TTC7A: variants seen among roughly 807,000 people sequenced by gnomAD.
The protein encoded by TTC7A is tetratricopeptide repeat domain 7A, also known as tetratricopeptide repeat protein 7A.
A neutral mutation model predicts 103.7 loss-of-function variants in TTC7A; 110 were observed. That is an observed-to-expected ratio of 1.06 (90% CI 0.91 to 1.24). The LOEUF is 1.24. Ranked by LOEUF, TTC7A falls within the 50% of genes most tolerant of loss-of-function variation. The pLI, the probability that TTC7A is intolerant of heterozygous loss-of-function variation, is 0.00. For missense variants in TTC7A, 1,340 were observed against 1,116.3 expected, an observed-to-expected ratio of 1.20 and a Z score of -2.86; for synonymous variants, 521 against 467.9, an observed-to-expected ratio of 1.11 and a Z score of -1.47.
chr2:47,046,906 A>T (rs570134473), intron 16 of TTC7A: 1 of 247,618 alleles, frequency 4.0e-6, no homozygotes, highest in East Asian at 9.6e-5. Flanking sequence ...TTCTTTCCTC[A>T]TTCCATTTGG....
chr2:46,991,193 G>A (rs1338601720), intron 5 of TTC7A, among the ~76,000 whole-genome samples: 3 of 151,800 alleles, frequency 2.0e-5, no homozygotes, highest in Non-Finnish European at 4.4e-5. Context: ...TGGGATTATA[G>A]GCATGAGCCA....
intron 19 of TTC7A, among the ~76,000 whole-genome samples, chr2:47,069,960 A>C (rs1487198676): frequency 6.9e-6 from 1 of 145,422 alleles, no homozygotes; most frequent in African/African-American, 2.5e-5. Flanking sequence ...CAGAAAGAAA[A>C]TTCCCAAAAT....
chr2:47,062,899 C>T (rs1037705413), intron 19 of TTC7A, among the ~76,000 whole-genome samples: 3 of 152,246 alleles, frequency 2.0e-5, no homozygotes, highest in Admixed American at 1.3e-4. Flanking sequence ...CAGAGCCAGG[C>T]CTGCCCTCTT....
At chr2:46,976,968 C>T (rs1199312853) in intron 4 of TTC7A, among the ~76,000 whole-genome samples, 1 of 152,202 alleles carries the variant, frequency 6.6e-6, no homozygotes, top group Non-Finnish European at 1.5e-5. Flanking sequence ...GAGTTGACCT[C>T]CACCAAGGGG....
intron 18 of TTC7A, among the ~76,000 whole-genome samples, chr2:47,058,419 G>C (rs1033077747): frequency 2.6e-5 from 4 of 152,234 alleles, no homozygotes; most frequent in Non-Finnish European, 4.4e-5. Context: ...TTGCAGTCAA[G>C]GTTTTAGTTA....
At chr2:46,959,024 G>C (rs71423931) in intron 3 of TTC7A, among the ~76,000 whole-genome samples, 1 of 152,162 alleles carries the variant, frequency 6.6e-6, no homozygotes, top group Non-Finnish European at 1.5e-5. Context: ...TCGCGGATGA[G>C]GAGTTAAGGT....
At chr2:46,966,211 A>C (rs1325776439) in intron 3 of TTC7A, among the ~76,000 whole-genome samples, 1 of 152,112 alleles carries the variant, frequency 6.6e-6, no homozygotes, top group Non-Finnish European at 1.5e-5. Flanking sequence ...AGGCTCCCAA[A>C]GTGTTGGGAT....
chr2:46,983,904 C>G (rs1674738241), intron 5 of TTC7A, among the ~76,000 whole-genome samples: 1 of 152,206 alleles, frequency 6.6e-6, no homozygotes, highest in Admixed American at 6.5e-5. Context: ...CTGTTCTTAT[C>G]TATGAAAGCT....
intron 18 of TTC7A, among the ~76,000 whole-genome samples, chr2:47,059,995 A>G (rs1268635042): frequency 6.6e-6 from 1 of 151,948 alleles, no homozygotes; most frequent in Non-Finnish European, 1.5e-5. Flanking sequence ...CATCTCTACA[A>G]AAAAATACAA....
At chr2:46,953,345 A>G (rs1671568046) in intron 2 of TTC7A, among the ~76,000 whole-genome samples, 1 of 152,130 alleles carries the variant, frequency 6.6e-6, no homozygotes, top group East Asian at 1.9e-4. Flanking sequence ...TGTAGAGACA[A>G]AGTCTTGTCA....
chr2:46,957,950 C>G (rs1376583334), intron 3 of TTC7A, among the ~76,000 whole-genome samples: 1 of 152,190 alleles, frequency 6.6e-6, no homozygotes, highest in African/African-American at 2.4e-5. Flanking sequence ...GACATTCTCA[C>G]TATCTTGTGG....
chr2:47,066,292 G>A (rs1684174325), intron 19 of TTC7A, among the ~76,000 whole-genome samples: 1 of 152,182 alleles, frequency 6.6e-6, no homozygotes, highest in Admixed American at 6.5e-5. Flanking sequence ...CGTGGGTATG[G>A]CCTCAGAGCC....
intron 3 of TTC7A, among the ~76,000 whole-genome samples, chr2:46,962,397 C>T (rs1007212146): frequency 6.6e-6 from 1 of 152,190 alleles, no homozygotes; most frequent in Admixed American, 6.5e-5. Context: ...CAGTATGTTC[C>T]TCCACCGAGC....
intron 3 of TTC7A, among the ~76,000 whole-genome samples, chr2:46,971,343 A>G (rs1213259331): frequency 3.9e-5 from 6 of 152,216 alleles, no homozygotes. Context: ...AATTTTGGGT[A>G]GACCTGGTGG....
At chr2:47,057,411 T>C (rs534638243) in intron 18 of TTC7A, among the ~76,000 whole-genome samples, 1 of 152,282 alleles carries the variant, frequency 6.6e-6, no homozygotes, top group South Asian at 2.1e-4. Flanking sequence ...CCCTGGCCTC[T>C]GGAAGAACCA....
chr2:46,943,442 A>G (rs1207865862), intron 1 of TTC7A, among the ~76,000 whole-genome samples: 1 of 152,172 alleles, frequency 6.6e-6, no homozygotes, highest in East Asian at 1.9e-4. Flanking sequence ...ATGGAGGGTC[A>G]GCAGGGTCTC....
intron 1 of TTC7A, among the ~76,000 whole-genome samples, chr2:46,945,439 G>A (rs547123776): frequency 5.9e-5 from 9 of 152,340 alleles, no homozygotes; most frequent in Admixed American, 2.6e-4. Flanking sequence ...TTTTAGAGAC[G>A]AGGTTTCACC....
At chr2:47,029,934 C>T (rs1680342869) in intron 15 of TTC7A, among the ~76,000 whole-genome samples, 1 of 152,212 alleles carries the variant, frequency 6.6e-6, no homozygotes, top group African/African-American at 2.4e-5. Context: ...GGTGGTAGGA[C>T]ACAGAGGACC....
chr2:46,978,221 C>G, intron 4 of TTC7A: 1 of 153,298 alleles, frequency 6.5e-6, no homozygotes, highest in Non-Finnish European at 1.5e-5. Context: ...TGGTTCTGGA[C>G]AGACAGAGAA....
Sources: allele counts gnomAD v4.1 joint callset (sites outside exome capture counted in the v4.1 genomes callset), GRCh38; gene constraint gnomAD v4.1.1; transcripts MANE v1.5; gene names NCBI Gene and HGNC (gene_info 2026-07-23, HGNC 2026-07-21).